Variants in FARP2 observed in about 807,000 individuals in gnomAD.
FARP2 encodes FERM, ARHGEF and pleckstrin domain-containing protein 2.
A neutral mutation model predicts 130.5 loss-of-function variants in FARP2; 111 were observed. The ratio of observed to expected loss-of-function variants is 0.85; its 90% CI spans 0.73 to 1.00. The LOEUF (loss-of-function observed/expected upper bound fraction) is 1.00. Among genes scored for constraint, FARP2 ranks in the 50% least tolerant of loss-of-function variants. The pLI, the probability that FARP2 is intolerant of heterozygous loss-of-function variation, is 0.00. For synonymous variants in FARP2, 504 were observed against 516.9 expected (o/e 0.98, Z 0.34); for missense variants, 1,385 against 1,346.3 (o/e 1.03, Z -0.45).
Position 241,482,989 on chromosome 2 carries a change from C to T in FARP2, c.2263-476C>T, listed in dbSNP as rs146420876. ...TGCTCTTGGTGCTAATTTGAATACT[C>T]GGGAGAACCCTCCTTTCCTCCTCCC... On this transcript the variant is annotated intron_variant, in intron 19 of 26. Transcript: ENST00000264042. This position sits in a 1 kb window ranked among gnomAD's most constrained non-coding sequence, Gnocchi z 4.6. 1.5e-3 allele frequency among the ~76,000 whole-genome samples: 177 copies of T among 117,718 alleles called. No homozygotes were observed. The highest frequency in any genetic ancestry group is 3.2e-3 in the Admixed American group (35 of 11,072). 77.2% of individuals were successfully genotyped at this position (117,718 alleles called of 152,430 possible).
intron 19 of FARP2, chr2:241,478,817 G>A (rs774451724): frequency 1.4e-4 from 53 of 392,402 alleles, no homozygotes; most frequent in Non-Finnish European, 2.2e-4. Flanking sequence ...CACCATGTCC[G>A]ACAGCTGGAA....
At chr2:241,358,426 A>G (rs115779893) in intron 1 of FARP2, among the ~76,000 whole-genome samples, 3,120 of 152,352 alleles carry the variant, frequency 0.02, 51 homozygotes, top group Middle Eastern at 0.13. Context: ...GCAAAGATCA[A>G]TGCATGGGCA....
intron 18 of FARP2, among the ~76,000 whole-genome samples, chr2:241,471,902 G>GTTCTGTGGGGACCCTC (rs2064321215): frequency 1.2e-5 from 1 of 83,128 alleles, no homozygotes; most frequent in Admixed American, 1.6e-4. Flanking sequence ...AGAGGACCAT[G>GTTCTGTGGGGACCCTC]TTCTGTGGGG....
chr2:241,405,995 A>AT (rs910079201), intron 4 of FARP2, among the ~76,000 whole-genome samples: 6 of 150,952 alleles, frequency 4.0e-5, no homozygotes, highest in Admixed American at 1.3e-4. Context: ...TTCATTTATC[A>AT]TTTTTTTCCC....
At chr2:241,478,579 C>T in intron 19 of FARP2, 1 of 493,672 alleles carries the variant, frequency 2.0e-6, no homozygotes, top group Non-Finnish European at 4.2e-6. Flanking sequence ...GAGACCCCAC[C>T]TATTTTGGGC....
At chr2:241,368,181 A>G (rs1471200977) in intron 1 of FARP2, among the ~76,000 whole-genome samples, 1 of 152,134 alleles carries the variant, frequency 6.6e-6, no homozygotes, top group Non-Finnish European at 1.5e-5. Flanking sequence ...AGTAGGCAGG[A>G]CCAAATGTCA....
At chr2:241,389,209 A>T (rs934285322) in intron 2 of FARP2, among the ~76,000 whole-genome samples, 2 of 152,082 alleles carry the variant, frequency 1.3e-5, no homozygotes, top group Admixed American at 1.3e-4. Context: ...TGAACCCGGG[A>T]GGCAGAGGCT....
chr2:241,488,119 A>T (rs1166538225), intron 21 of FARP2: 2 of 152,240 alleles, frequency 1.3e-5, no homozygotes, highest in African/African-American at 4.8e-5. Flanking sequence ...ATTTTATAAC[A>T]AAGTGTTGAA....
chr2:241,426,245 G>A (rs1457363984), intron 8 of FARP2, among the ~76,000 whole-genome samples: 2 of 152,122 alleles, frequency 1.3e-5, no homozygotes, highest in South Asian at 2.1e-4. Context: ...TTTGCTGGAC[G>A]GTGTGGAAGA....
chr2:241,443,638 A>G (rs1355149655), intron 13 of FARP2: 1 of 152,322 alleles, frequency 6.6e-6, no homozygotes, highest in Admixed American at 6.5e-5. Flanking sequence ...TGTGGCACAG[A>G]GTGGGTAGGT....
chr2:241,452,698 T>A (rs2063691940), intron 13 of FARP2, among the ~76,000 whole-genome samples: 1 of 151,816 alleles, frequency 6.6e-6, no homozygotes, highest in Admixed American at 6.6e-5. Flanking sequence ...CCCAGCACTT[T>A]GGGAGGCCAA....
At chr2:241,448,569 A>G (rs10192057) in intron 13 of FARP2, among the ~76,000 whole-genome samples, 28,887 of 152,266 alleles carry the variant, frequency 0.19, 3,087 homozygotes, top group Middle Eastern at 0.35. Flanking sequence ...GAACAAAAAC[A>G]TAGAGGCTGT....
rs778643050 is a variant in FARP2, at chr2:241,417,944, T to G, written c.624-18T>G. The G allele has an allele frequency of 3.1e-6, 5 of 1,613,968 alleles. No individual in the cohort carries two copies. In the East Asian group the frequency reaches 1.1e-4, roughly 36 times the overall value. ...ATCAAGTGTTTGTAGTGTATGATTC[T>G]ACCATTTTTTATTACAGGGGCCAGA... is the stretch of plus-strand genomic sequence containing the variant. On this transcript the variant is annotated intron_variant, in intron 7 of 26. Coordinates refer to ENST00000264042, the MANE Select transcript of FARP2 (RefSeq NM_014808.4).
At chr2:241,361,844 G>A (rs181380744) in intron 1 of FARP2, among the ~76,000 whole-genome samples, 1 of 151,246 alleles carries the variant, frequency 6.6e-6, no homozygotes, top group Non-Finnish European at 1.5e-5. Flanking sequence ...TAAATTACTA[G>A]GCTTTTATAA....
At chr2:241,462,794 ATTC>A (rs2064059147) in intron 15 of FARP2, among the ~76,000 whole-genome samples, 182 bp downstream of exon 15, 1 of 151,788 alleles carries the variant, frequency 6.6e-6, no homozygotes, top group Admixed American at 6.6e-5. Flanking sequence ...GGTTCAAGTG[ATTC>A]TTCTGCCTCA....
chr2:241,439,620 T>C (rs1326976814), intron 12 of FARP2, among the ~76,000 whole-genome samples: 2 of 151,942 alleles, frequency 1.3e-5, no homozygotes, highest in Non-Finnish European at 2.9e-5. Context: ...TGAGCCACCA[T>C]GCCCGGCCTT....
At chr2:241,410,944 C>T in intron 5 of FARP2, 89 bp from the exon 6 acceptor site, 1 of 914,060 alleles carries the variant, frequency 1.1e-6, no homozygotes, top group Non-Finnish European at 1.7e-6. Flanking sequence ...TCCCAGGGCT[C>T]ATTTGCTGTC....
chr2:241,485,230 C>T (rs1185812435), intron 21 of FARP2, among the ~76,000 whole-genome samples: 1 of 151,488 alleles, frequency 6.6e-6, no homozygotes, highest in Non-Finnish European at 1.5e-5. Flanking sequence ...TGGTGTCTTT[C>T]CTCCCTGTAG....
intron 2 of FARP2, among the ~76,000 whole-genome samples, chr2:241,388,934 G>A (rs528162474): frequency 3.2e-4 from 48 of 152,312 alleles, no homozygotes; most frequent in Non-Finnish European, 5.9e-4. Flanking sequence ...GACCTTTGGG[G>A]TGATTAGGCC....
Sources: allele counts gnomAD v4.1 joint callset (sites outside exome capture counted in the v4.1 genomes callset), GRCh38; gene constraint gnomAD v4.1.1; non-coding constraint Gnocchi (gnomAD v3.1); transcripts MANE v1.5; gene names NCBI Gene and HGNC (gene_info 2026-07-23, HGNC 2026-07-21).